The following XKR9 variants were observed in gnomAD, a reference collection of about 807,000 sequenced individuals.
The protein encoded by XKR9 is XK-related protein 9.
A neutral mutation model predicts 32.0 loss-of-function variants in XKR9; 32 were observed. The ratio of observed to expected loss-of-function variants is 1.00; its 90% CI spans 0.76 to 1.34. The LOEUF is 1.34. Ranked by LOEUF, XKR9 falls within the 40% of genes most tolerant of loss-of-function variation. XKR9 has a pLI of 0.00. For missense variants in XKR9, 546 were observed against 429.7 expected (o/e 1.27, Z -2.39); for synonymous variants, 168 against 143.4 (o/e 1.17, Z -1.22).
At chr8:70,739,911 C>T (rs1806940241), downstream of XKR9, among the ~76,000 whole-genome samples, 1 of 152,146 alleles carries the variant, frequency 6.6e-6, no homozygotes, top group Non-Finnish European at 1.5e-5. Context: ...TTTTTTCCTT[C>T]ATTTCAACTT....
At chr8:70,768,927 C>T (rs924366244) in intron 2 of XKR9, among the ~76,000 whole-genome samples, 6 of 152,110 alleles carry the variant, frequency 3.9e-5, no homozygotes, top group African/African-American at 1.2e-4. Context: ...AGCCCATTTA[C>T]ATTTAAGGTT....
At chr8:70,963,957 T>C in the XKR9 span, among the ~76,000 whole-genome samples, 1 of 152,334 alleles carries the variant, frequency 6.6e-6, no homozygotes, top group Non-Finnish European at 1.5e-5. Flanking sequence ...GTGCAGAAGC[T>C]CTTTAGTTTA....
the XKR9 span, among the ~76,000 whole-genome samples, chr8:70,882,744 T>A: frequency 6.6e-6 from 1 of 152,224 alleles, no homozygotes; most frequent in East Asian, 1.9e-4. Flanking sequence ...TTTATTACAA[T>A]TGATGAGGCC....
chr8:70,675,196 G>A (rs1818842938), intron 2 of XKR9, among the ~76,000 whole-genome samples: 1 of 152,186 alleles, frequency 6.6e-6, no homozygotes, highest in South Asian at 2.1e-4. Flanking sequence ...GGAGGCTGAG[G>A]TGGGTGGGTC....
chr8:71,030,786 A>T, the XKR9 span, among the ~76,000 whole-genome samples: 21 of 152,142 alleles, frequency 1.4e-4, no homozygotes, highest in Non-Finnish European at 1.9e-4. Context: ...TGAATTCTAA[A>T]CTCATTGAAA....
At chr8:70,711,720 C>T (rs62530812) in intron 4 of XKR9, among the ~76,000 whole-genome samples, 3,853 of 59,446 alleles carry the variant, frequency 0.065, 103 homozygotes, top group Middle Eastern at 0.16. Context: ...ATACCTAACC[C>T]CAGTGATACA....
At chr8:70,851,266 G>C in the XKR9 span, among the ~76,000 whole-genome samples, 9 of 152,026 alleles carry the variant, frequency 5.9e-5, no homozygotes, top group South Asian at 2.1e-4. Context: ...CAAACCACTT[G>C]TCAAGGAAAT....
chr8:70,884,121 A>G, the XKR9 span, among the ~76,000 whole-genome samples: 11 of 152,004 alleles, frequency 7.2e-5, no homozygotes, highest in Non-Finnish European at 1.3e-4. Context: ...AAAATTTCCA[A>G]TTTTGTAAGG....
chr8:70,741,007 C>T (rs1806963903), intron 2 of XKR9, among the ~76,000 whole-genome samples: 1 of 152,244 alleles, frequency 6.6e-6, no homozygotes, highest in South Asian at 2.1e-4. Flanking sequence ...AGCTGTCAGA[C>T]AGGGACATTG....
chr8:70,776,369 C>CT (rs1343535509), intron 2 of XKR9, among the ~76,000 whole-genome samples: 3 of 151,944 alleles, frequency 2.0e-5, no homozygotes, highest in Non-Finnish European at 4.4e-5. Context: ...ATAATAGTAC[C>CT]TTTTTTTAAG....
At chr8:70,977,932 A>G in the XKR9 span, among the ~76,000 whole-genome samples, 1 of 152,192 alleles carries the variant, frequency 6.6e-6, no homozygotes, top group Non-Finnish European at 1.5e-5. Flanking sequence ...TATTGGGTGC[A>G]TGTATATTTA....
the XKR9 span, among the ~76,000 whole-genome samples, chr8:70,956,441 C>T: frequency 6.6e-6 from 1 of 152,150 alleles, no homozygotes; most frequent in Non-Finnish European, 1.5e-5. Context: ...ATCCAATTGG[C>T]CGAACTGTCA....
the XKR9 span, among the ~76,000 whole-genome samples, chr8:70,833,829 G>A: frequency 6.6e-6 from 1 of 151,896 alleles, no homozygotes; most frequent in Admixed American, 6.6e-5. Context: ...TTAAATGTTT[G>A]GTGCCCCTCC....
chr8:70,694,810 G>T (rs371646731), intron 3 of XKR9, among the ~76,000 whole-genome samples: 2 of 152,320 alleles, frequency 1.3e-5, no homozygotes, highest in African/African-American at 4.8e-5. Flanking sequence ...CTTTTCTAGG[G>T]GTATGTACAG....
intron 2 of XKR9, among the ~76,000 whole-genome samples, chr8:70,771,872 T>C (rs911376070): frequency 6.6e-6 from 1 of 152,168 alleles, no homozygotes; most frequent in African/African-American, 2.4e-5. Context: ...AATAAGAGAA[T>C]TGTAGATATT....
chr8:70,967,879 A>C, the XKR9 span, among the ~76,000 whole-genome samples: 2 of 151,714 alleles, frequency 1.3e-5, no homozygotes, highest in Non-Finnish European at 2.9e-5. Flanking sequence ...TTTTTCTTGC[A>C]TTCTGACCTT....
chr8:70,763,982 A>C (rs536259439), intron 2 of XKR9, among the ~76,000 whole-genome samples: 36 of 152,250 alleles, frequency 2.4e-4, no homozygotes, highest in African/African-American at 8.4e-4. Context: ...TGTGACATGG[A>C]TTTACCTTGA....
At chr8:71,005,499 C>T in the XKR9 span, among the ~76,000 whole-genome samples, 1 of 152,068 alleles carries the variant, frequency 6.6e-6, no homozygotes, top group Non-Finnish European at 1.5e-5. Context: ...ACTGGGATTA[C>T]AGGATTGAGC....
At chr8:70,946,255 T>C in the XKR9 span, among the ~76,000 whole-genome samples, 5 of 152,208 alleles carry the variant, frequency 3.3e-5, no homozygotes, top group Admixed American at 3.3e-4. Flanking sequence ...ACTATAGATA[T>C]GTGCCTAGAG....
Sources: gnomAD v4.1 joint callset for allele counts (sites outside exome capture counted in the v4.1 genomes callset) on GRCh38, gnomAD v4.1.1 for gene constraint, MANE v1.5 for transcripts, NCBI Gene and HGNC (gene_info 2026-07-23, HGNC 2026-07-21) for gene names.